The following FGF12 variants were observed in gnomAD, a reference collection of about 807,000 sequenced individuals.
FGF12 encodes fibroblast growth factor 12B.
Under a neutral mutation model 23.6 loss-of-function variants are expected in FGF12, and 14 were observed. The observed-to-expected ratio is 0.59, with a 90% CI of 0.39 to 0.93. FGF12 has a LOEUF of 0.93. Among genes scored for constraint, FGF12 ranks in the 40% least tolerant of loss-of-function variants. FGF12 has a pLI of 0.00. For synonymous variants in FGF12, 62 were observed against 77.3 expected, an observed-to-expected ratio of 0.80 and a Z score of 1.04; for missense variants, 175 against 217.8, an observed-to-expected ratio of 0.80 and a Z score of 1.24.
chr3:192,690,584 TA>T (rs1717910089), intron 2 of FGF12, among the ~76,000 whole-genome samples: 1 of 28,472 alleles, frequency 3.5e-5, no homozygotes, highest in South Asian at 8.4e-4. Context: ...ACCACAACAC[TA>T]CAAAAAAAAA....
At position 192,404,889 on chromosome 3, in the gene FGF12, C is replaced by G. The variant is rs143051240; in HGVS notation, c.14-44351G>C. Among the ~76,000 whole-genome samples, 687 of 152,306 alleles carry G rather than the reference C, an allele frequency of 4.5e-3. 6 individuals carry two copies. The highest frequency in any genetic ancestry group is 0.015 in the African/African-American group (639 of 41,566). Reference sequence around the variant, plus strand: ...TCTTCTACAAGTTACCTCTTCTACTCTACCCTATCTCTGTTCTAATTATAA... The same window carrying G: ...TCTTCTACAAGTTACCTCTTCTACTGTACCCTATCTCTGTTCTAATTATAA... On this transcript the variant is annotated intron_variant, in intron 2 of 5. Coordinates refer to ENST00000445105, the MANE Select transcript of FGF12 (RefSeq NM_004113.6).
chr3:192,690,261 A>G (rs1325497232), intron 2 of FGF12, among the ~76,000 whole-genome samples: 2 of 152,060 alleles, frequency 1.3e-5, no homozygotes, highest in African/African-American at 2.4e-5. Context: ...TCAGAATACC[A>G]TAATACTGAA....
At chr3:192,301,255 A>G (rs1715336627) in intron 4 of FGF12, among the ~76,000 whole-genome samples, 1 of 152,212 alleles carries the variant, frequency 6.6e-6, no homozygotes, top group Non-Finnish European at 1.5e-5. Flanking sequence ...TGGAGAAATC[A>G]TTCCAAGACA....
chr3:192,418,727 C>G (rs1438701275), intron 2 of FGF12, among the ~76,000 whole-genome samples: 2 of 152,132 alleles, frequency 1.3e-5, no homozygotes, highest in Non-Finnish European at 2.9e-5. Context: ...TCCCCCCTCA[C>G]TCTCTTGCTC....
intron 2 of FGF12, among the ~76,000 whole-genome samples, chr3:192,484,305 T>TCCA (rs1205840708): frequency 7.0e-6 from 1 of 143,278 alleles, no homozygotes; most frequent in Non-Finnish European, 1.5e-5. Context: ...TAGAGATCCT[T>TCCA]CCATTTTCCT....
At chr3:192,175,350 A>G (rs1166624259) in intron 4 of FGF12, among the ~76,000 whole-genome samples, 3 of 152,172 alleles carry the variant, frequency 2.0e-5, no homozygotes, top group Non-Finnish European at 2.9e-5. Flanking sequence ...TTTTTCCTAT[A>G]GTCTTGAGCC....
chr3:192,275,746 C>T (rs1265056863), intron 4 of FGF12, among the ~76,000 whole-genome samples: 1 of 152,028 alleles, frequency 6.6e-6, no homozygotes, highest in Non-Finnish European at 1.5e-5. Context: ...ACTTTGGGGA[C>T]AAAATGTGAA....
At chr3:192,357,221 C>T (rs931933426) in intron 3 of FGF12, among the ~76,000 whole-genome samples, 5 of 152,134 alleles carry the variant, frequency 3.3e-5, no homozygotes, top group South Asian at 2.1e-4. Flanking sequence ...CGGTGACTCA[C>T]GCCTGTAATC....
chr3:192,587,655 T>C (rs1713426284), intron 2 of FGF12, among the ~76,000 whole-genome samples: 1 of 151,588 alleles, frequency 6.6e-6, no homozygotes, highest in African/African-American at 2.4e-5. Context: ...ATCACTGTAT[T>C]TTTAATTTTT....
rs554974615 is a variant in FGF12 at position 192,333,692 on chromosome 3, T to C, written c.228+1669A>G. ...GACAGATGTATTACTAATAAGCAAG[T>C]ATGATGTACCTGTTGGAGCTAAAGG... On this transcript the variant is annotated intron_variant, in intron 4 of 5. Transcript: ENST00000445105. 3.3e-5 allele frequency among the ~76,000 whole-genome samples: 5 copies of C among 152,174 alleles called. No homozygotes were observed. In the South Asian group the frequency reaches 1.0e-3, roughly 32 times the overall value.
At chr3:192,674,122 C>T (rs1393430238) in intron 2 of FGF12, among the ~76,000 whole-genome samples, 1 of 150,384 alleles carries the variant, frequency 6.6e-6, no homozygotes, top group Non-Finnish European at 1.5e-5. Context: ...TTTTTTTGTG[C>T]CCTATCTCAT....
chr3:192,626,827 C>T (rs758324039), intron 2 of FGF12, among the ~76,000 whole-genome samples: 6 of 152,110 alleles, frequency 3.9e-5, no homozygotes, highest in Non-Finnish European at 8.8e-5. Flanking sequence ...AGGCTGATGT[C>T]GAACTCCTGG....
chr3:192,561,517 C>G (rs1429360503), intron 2 of FGF12, among the ~76,000 whole-genome samples: 1 of 152,138 alleles, frequency 6.6e-6, no homozygotes. Flanking sequence ...CACCCGCCAC[C>G]ACGCCCAGCT....
intron 4 of FGF12, among the ~76,000 whole-genome samples, chr3:192,227,128 G>A (rs1020031440): frequency 6.6e-6 from 1 of 152,078 alleles, no homozygotes; most frequent in Middle Eastern, 3.2e-3. Flanking sequence ...AAGCCACCAA[G>A]TTTATGCTAT....
intron 2 of FGF12, among the ~76,000 whole-genome samples, chr3:192,397,733 ACAGCTAG>A (rs1720584533): frequency 2.6e-5 from 4 of 152,220 alleles, no homozygotes; most frequent in Admixed American, 2.0e-4. Context: ...TATTGTGTAG[ACAGCTAG>A]AGCTATTTGG....
chr3:192,526,577 C>G (rs1438813577), intron 2 of FGF12, among the ~76,000 whole-genome samples: 1 of 152,176 alleles, frequency 6.6e-6, no homozygotes, highest in African/African-American at 2.4e-5. Flanking sequence ...CACATGCACA[C>G]AGACACAAAC....
chr3:192,387,266 T>G (rs1525910), intron 2 of FGF12, among the ~76,000 whole-genome samples: 85,324 of 151,960 alleles, frequency 0.56, 25,185 homozygotes, highest in African/African-American at 0.76. Flanking sequence ...GACACCTCCT[T>G]GTTGGCCCTT....
At chr3:192,302,482 T>C (rs77220025) in intron 4 of FGF12, among the ~76,000 whole-genome samples, 4,279 of 150,934 alleles carry the variant, frequency 0.028, 160 homozygotes, top group South Asian at 0.17. Flanking sequence ...GACTAATATA[T>C]CATAATGTGC....
chr3:192,406,905 A>T lies in FGF12; in HGVS notation c.14-46367T>A, dbSNP rs73064250. 7.6e-3 allele frequency among the ~76,000 whole-genome samples: 1,161 copies of T among 152,280 alleles called. 12 individuals carry two copies. The highest frequency in any genetic ancestry group is 0.027 in the African/African-American group (1,107 of 41,530). ...GCCACAGTCAGAGTTGCAAAGAGAC[A>T]AACTAGCCAACAGATTACAGGGCAG... On this transcript the variant is annotated intron_variant, in intron 2 of 5. Transcript: ENST00000445105.
Sources: allele counts gnomAD v4.1 joint callset (sites outside exome capture counted in the v4.1 genomes callset), GRCh38; gene constraint gnomAD v4.1.1; transcripts MANE v1.5; gene names NCBI Gene and HGNC (gene_info 2026-07-23, HGNC 2026-07-21).